ATM: variants seen among roughly 807,000 people sequenced by gnomAD.
The protein encoded by ATM is serine-protein kinase ATM.
ATM carries 308 observed loss-of-function variants against 387.0 expected under a neutral mutation model. The observed-to-expected ratio is 0.80, with a 90% CI of 0.73 to 0.87. The LOEUF (loss-of-function observed/expected upper bound fraction) is 0.87, where lower values mean the gene tolerates loss of function less well. Among genes scored for constraint, ATM ranks in the 40% least tolerant of loss-of-function variants. The pLI is 0.00. For synonymous variants in ATM, 1,156 were observed against 1,187.3 expected, an observed-to-expected ratio of 0.97 and a Z score of 0.54; for missense variants, 3,312 against 3,560.9, an observed-to-expected ratio of 0.93 and a Z score of 1.78.
chr11:108,244,369 C>A (rs1200696966), intron 6 of ATM, among the ~76,000 whole-genome samples: 1 of 152,002 alleles, frequency 6.6e-6, no homozygotes, highest in East Asian at 1.9e-4. Flanking sequence ...AGTTAAATAT[C>A]CTCTAAGTCA....
intron 45 of ATM, among the ~76,000 whole-genome samples, 156 bp from the exon 46 acceptor site, chr11:108,325,154 C>G (rs574305772): frequency 4.7e-4 from 72 of 151,810 alleles, no homozygotes; most frequent in African/African-American, 1.7e-3. Context: ...AAATTTTGAT[C>G]CATATGTAGG....
chr11:108,236,571 A>T (rs1438683975), intron 5 of ATM: 2 of 152,338 alleles, frequency 1.3e-5, no homozygotes, highest in South Asian at 4.1e-4. Context: ...GAGAGTTGAA[A>T]GTTCAAAGGG....
intron 59 of ATM, among the ~76,000 whole-genome samples, chr11:108,348,618 T>C (rs570938593): frequency 6.6e-6 from 1 of 151,814 alleles, no homozygotes; most frequent in South Asian, 2.1e-4. Flanking sequence ...CAAACTTCTA[T>C]TAAACAGTAT....
At chr11:108,271,197 T>G (rs1192574175) in intron 19 of ATM, 51 bp downstream of exon 19, 4 of 1,612,892 alleles carry the variant, frequency 2.5e-6, no homozygotes, top group Non-Finnish European at 3.4e-6. Flanking sequence ...ATAAAATAAC[T>G]GATGTGTTCT....
At chr11:108,247,202 TA>T (rs2079897721) in intron 8 of ATM, 75 bp downstream of exon 8, 3 of 1,458,494 alleles carry the variant, frequency 2.1e-6, no homozygotes, top group Non-Finnish European at 2.9e-6. Flanking sequence ...TTTGGGCTTT[TA>T]AAACCTGTGT....
chr11:108,269,511 T>TA (rs913997949), intron 18 of ATM, among the ~76,000 whole-genome samples: 58 of 151,950 alleles, frequency 3.8e-4, no homozygotes, highest in Middle Eastern at 3.2e-3. Context: ...TACTAGCAGT[T>TA]AAAAAAAACA....
intron 4 of ATM, among the ~76,000 whole-genome samples, chr11:108,231,777 G>C (rs909703064): frequency 1.3e-5 from 2 of 150,484 alleles, no homozygotes; most frequent in African/African-American, 4.9e-5. Context: ...GATTATTAGT[G>C]AATATTTCAG....
intron 14 of ATM, among the ~76,000 whole-genome samples, chr11:108,256,924 G>A (rs570484224): frequency 1.3e-5 from 2 of 152,134 alleles, no homozygotes; most frequent in African/African-American, 4.8e-5. Context: ...TCATTGATGG[G>A]CATTTGGGTT....
chr11:108,244,796 A>G lies in ATM; in HGVS notation c.671A>G (p.Lys224Arg). Residue 224 changes from lysine (K) to arginine (R), a missense_variant, in exon 7 of 63, where the codon AAG (lysine) becomes AGG (arginine). By Grantham distance (26) the Lys-to-Arg change is conservative. This residue lies in a region of ATM where 1,791 missense variants were observed against 1,804.5 expected (regional missense o/e 0.99). Coordinates refer to ENST00000675843, the MANE Select transcript of ATM (RefSeq NM_000051.4). ...SKAIQCARQEKSSSGLNHILA... is the reference protein window; with the variant it reads ...SKAIQCARQERSSSGLNHILA... ...TGTTTGTTTCTTCACAGACAAGAAA[A>G]GAGCTCTTCAGGTCTAAATCATATC... The G allele has an allele frequency of 6.2e-7, 1 of 1,613,312 alleles. No individual in the cohort carries two copies. The highest frequency in any genetic ancestry group is 8.5e-7 in the Non-Finnish European group (1 of 1,179,504).
At chr11:108,298,225 T>C (rs1446733856) in intron 33 of ATM, among the ~76,000 whole-genome samples, 1 of 152,200 alleles carries the variant, frequency 6.6e-6, no homozygotes, top group African/African-American at 2.4e-5. Context: ...CTCGTGATGG[T>C]TTTTGTTTCT....
intron 13 of ATM, among the ~76,000 whole-genome samples, chr11:108,254,943 C>G (rs1416930289): frequency 6.6e-6 from 1 of 152,202 alleles, no homozygotes; most frequent in Non-Finnish European, 1.5e-5. Context: ...GCCACGGTGC[C>G]TGGCCTAATA....
intron 47 of ATM, chr11:108,327,283 C>T (rs927249957): frequency 7.1e-6 from 2 of 281,900 alleles, no homozygotes; most frequent in African/African-American, 4.5e-5. Flanking sequence ...TACCCAACTT[C>T]CTTGTACCTC....
chr11:108,310,562 G>C (rs2084065756), intron 39 of ATM, among the ~76,000 whole-genome samples: 1 of 152,126 alleles, frequency 6.6e-6, no homozygotes, highest in Admixed American at 6.5e-5. Flanking sequence ...CTATAGGACA[G>C]AGTCCATACT....
chr11:108,295,114 T>C (rs2083052044), intron 32 of ATM, 55 bp downstream of exon 32: 2 of 1,606,550 alleles, frequency 1.2e-6, no homozygotes, highest in Admixed American at 1.7e-5. Flanking sequence ...TGAAAGAATA[T>C]TTTGCAAAGT....
chr11:108,345,685 A>G (rs2088248747), intron 57 of ATM, 58 bp from the exon 58 acceptor site: 1 of 1,308,016 alleles, frequency 7.6e-7, no homozygotes, highest in Non-Finnish European at 1.1e-6. Context: ...AAAAATGTGT[A>G]TATTAGTTTA....
intron 22 of ATM, among the ~76,000 whole-genome samples, chr11:108,279,175 G>T (rs1159060868): frequency 1.3e-5 from 2 of 152,234 alleles, no homozygotes; most frequent in Middle Eastern, 3.4e-3. Context: ...ATTGGTGTTC[G>T]GCCAGAGAAC....
rs2079123874 is a variant in ATM, at chr11:108,233,560, T to G, written c.332-2110T>G. Among the ~76,000 whole-genome samples the G allele has an allele frequency of 6.2e-5, 8 of 128,580 alleles. No individual in the cohort carries two copies. In the South Asian group the frequency reaches 1.9e-3, roughly 31 times the overall value. 84.4% of individuals were successfully genotyped at this position (128,580 alleles called of 152,430 possible). On this transcript the variant is annotated intron_variant, in intron 4 of 62. Coordinates refer to ENST00000675843, the MANE Select transcript of ATM (RefSeq NM_000051.4). ...CTCCAGTCTGGGTGACAGAGTGAGA[T>G]CCTGTGTCCAAAAAAAAAAAAAAAA...
In ATM at chr11:108,272,816, A is replaced by T. The variant is rs2081667850; in HGVS notation, c.3248A>T (p.His1083Leu). The T allele has an allele frequency of 6.2e-7, 1 of 1,614,090 alleles. No individual in the cohort carries two copies. Among genetic ancestry groups the T allele is most frequent in the Non-Finnish European group, 8.5e-7 (1 of 1,180,002 alleles). The part of the protein sequence containing the change: ...VFTQFLADNH[H>L]QVRMLAAESI... ...ACACAATTTCTTGCTGACAATCATC[A>T]CCAAGTTCGCATGTTGGCTGCAGAG... is the stretch of plus-strand genomic sequence containing the variant. Residue 1083 changes from histidine (H) to leucine (L), a missense_variant, in exon 22 of 63, where the codon CAC becomes CTC. Physicochemically the swap from His to Leu is moderately conservative, Grantham distance 99. This residue lies in a region of ATM where 1,791 missense variants were observed against 1,804.5 expected (regional missense o/e 0.99). Coordinates refer to ENST00000675843, the MANE Select transcript of ATM (RefSeq NM_000051.4).
At position 108,290,918 on chromosome 11, in the gene ATM, C is replaced by T. The variant is rs1399703007; in HGVS notation, c.4436+1117C>T. The stretch of plus-strand genomic sequence containing the variant: ...ATACTAATATTCTAGCTATTGATGG[C>T]CTCAAATAAATGTTACTATAGAATT... On this transcript the variant is annotated intron_variant, in intron 29 of 62. Coordinates refer to ENST00000675843, the MANE Select transcript of ATM (RefSeq NM_000051.4). Among the ~76,000 whole-genome samples the T allele has an allele frequency of 6.6e-5, 10 of 151,786 alleles. No homozygotes were observed. The East Asian group carries it at 1.9e-3, about 29-fold the overall frequency.
Sources: gnomAD v4.1 joint callset for allele counts (sites outside exome capture counted in the v4.1 genomes callset) on GRCh38, gnomAD v4.1.1 for gene constraint, gnomAD v4.1.1 regional missense constraint, MANE v1.5 for transcripts, NCBI Gene and HGNC (gene_info 2026-07-23, HGNC 2026-07-21) for gene names.